Variants in MGAT4C observed in about 807,000 individuals in gnomAD.
The protein encoded by MGAT4C is alpha-1,3-mannosyl-glycoprotein 4-beta-N-acetylglucosaminyltransferase C.
A neutral mutation model predicts 40.1 loss-of-function variants in MGAT4C; 19 were observed. The ratio of observed to expected loss-of-function variants is 0.47; its 90% CI spans 0.33 to 0.70. MGAT4C has a LOEUF of 0.70. MGAT4C is among the 30% of genes least tolerant of loss of function. The probability of loss-of-function intolerance (pLI) is 0.02; values close to 1 mark genes in which losing one functional copy is unlikely to be tolerated. For synonymous variants in MGAT4C, 181 were observed against 187.1 expected (o/e 0.97, Z 0.27); for missense variants, 491 against 563.2 (o/e 0.87, Z 1.30).
chr12:86,223,110 A>C (rs1323118970), intron 1 of MGAT4C, among the ~76,000 whole-genome samples: 1 of 152,196 alleles, frequency 6.6e-6, no homozygotes, highest in Non-Finnish European at 1.5e-5. Context: ...CTGAGATCCA[A>C]GTCCCCAAAG....
intron 3 of MGAT4C, among the ~76,000 whole-genome samples, chr12:86,410,702 T>A (rs577178961): frequency 6.6e-6 from 1 of 152,168 alleles, no homozygotes; most frequent in Non-Finnish European, 1.5e-5. Context: ...TAAGAAATTA[T>A]GAGAGTATTA....
intron 4 of MGAT4C, among the ~76,000 whole-genome samples, chr12:86,285,323 C>T (rs897845814): frequency 1.3e-5 from 2 of 151,982 alleles, no homozygotes; most frequent in Non-Finnish European, 2.9e-5. Flanking sequence ...GAATGTTAAG[C>T]TTCATAAGAG....
chr12:86,633,787 T>G (rs1963134072), intron 2 of MGAT4C, among the ~76,000 whole-genome samples: 2 of 152,108 alleles, frequency 1.3e-5, no homozygotes, highest in Admixed American at 1.3e-4. Context: ...TAATCATATT[T>G]TGTTTTTTAG....
At chr12:86,037,263 GA>G (rs2136924312) in intron 2 of MGAT4C, among the ~76,000 whole-genome samples, 1 of 149,504 alleles carries the variant, frequency 6.7e-6, no homozygotes, top group East Asian at 1.9e-4. Context: ...TTGATTTTTT[GA>G]AGAGTTTTTC....
intron 2 of MGAT4C, among the ~76,000 whole-genome samples, chr12:85,993,772 G>A (rs1248373837): frequency 2.6e-5 from 4 of 152,168 alleles, no homozygotes; most frequent in Non-Finnish European, 4.4e-5. Context: ...CAGGAAAAAG[G>A]CAGAGGCTTC....
At chr12:86,803,656 C>G (rs905833328) in intron 1 of MGAT4C, among the ~76,000 whole-genome samples, 1 of 150,294 alleles carries the variant, frequency 6.7e-6, no homozygotes, top group Non-Finnish European at 1.5e-5. Context: ...CCAAAAAACA[C>G]ATGAAAAAAT....
intron 1 of MGAT4C, among the ~76,000 whole-genome samples, chr12:86,104,389 G>A (rs762435722): frequency 1.3e-5 from 2 of 152,086 alleles, no homozygotes; most frequent in African/African-American, 2.4e-5. Flanking sequence ...ACAGTGAGCC[G>A]AGATAGTGCC....
rs550756814 is a variant in MGAT4C at position 86,285,024 on chromosome 12, T to C, written c.-57+49041A>G. On this transcript the variant is annotated intron_variant, in intron 4 of 7. Coordinates refer to the MGAT4C transcript ENST00000548651. The stretch of plus-strand genomic sequence containing the variant: ...TTTCATTTGTGCTCATATTTTTTAC[T>C]GTAAATAATATTCACTAAAATTCAA... 3.9e-5 allele frequency among the ~76,000 whole-genome samples: 6 copies of C among 152,180 alleles called. No homozygotes were observed. The South Asian group carries it at 1.2e-3, about 32-fold the overall frequency.
At chr12:86,362,875 A>AAAG (rs1490836239) in intron 3 of MGAT4C, among the ~76,000 whole-genome samples, 5 of 151,320 alleles carry the variant, frequency 3.3e-5, no homozygotes, top group Non-Finnish European at 7.4e-5. Flanking sequence ...TCAAAAAAAA[A>AAAG]AAAAAAAAAG....
intron 2 of MGAT4C, among the ~76,000 whole-genome samples, chr12:86,475,551 A>AT (rs1390011449): frequency 6.6e-6 from 1 of 151,954 alleles, no homozygotes; most frequent in Non-Finnish European, 1.5e-5. Context: ...AAAAGCCATG[A>AT]TTTTATGACA....
chr12:86,528,384 A>C (rs1958920591), intron 2 of MGAT4C, among the ~76,000 whole-genome samples: 2 of 152,098 alleles, frequency 1.3e-5, no homozygotes. Flanking sequence ...TAAGTGTTTT[A>C]AAATCCTCAT....
chr12:86,486,048 G>A (rs748919145), intron 2 of MGAT4C, among the ~76,000 whole-genome samples: 1 of 152,080 alleles, frequency 6.6e-6, no homozygotes, highest in Non-Finnish European at 1.5e-5. Context: ...ATTATCGCTA[G>A]ACAAGCCTTA....
At chr12:86,621,503 G>C (rs1371768983) in intron 2 of MGAT4C, among the ~76,000 whole-genome samples, 5 of 152,120 alleles carry the variant, frequency 3.3e-5, no homozygotes, top group African/African-American at 1.2e-4. Context: ...TTTTGAGATA[G>C]AGTCTCACTC....
chr12:86,499,579 T>G (rs142066860), intron 2 of MGAT4C, among the ~76,000 whole-genome samples: 32 of 151,952 alleles, frequency 2.1e-4, no homozygotes, highest in African/African-American at 7.0e-4. Context: ...GCCAGACCTA[T>G]ATGAAAAGAT....
chr12:86,086,545 T>G, intron 1 of MGAT4C, among the ~76,000 whole-genome samples: 1 of 151,964 alleles, frequency 6.6e-6, no homozygotes, highest in East Asian at 1.9e-4. Flanking sequence ...AATAAAAAAG[T>G]TATGGATACA....
rs932327837 is a variant in MGAT4C at position 86,049,685 on chromosome 12, C to T, written c.-18G>A. 209 of 983,874 alleles carry T rather than the reference C, an allele frequency of 2.1e-4. No homozygotes were observed. Among genetic ancestry groups the T allele is most frequent in the Non-Finnish European group, 2.4e-4 (201 of 828,400 alleles). The allele number at this position is 983,874 out of a possible 1,614,324, so 60.9% of individuals were successfully genotyped here. ...ACATAGAATCTCACCTTAAGAAAGA[C>T]GCTGTCATAATCTGTGCTGTACAGA... On this transcript the variant is annotated 5_prime_UTR_variant, in exon 2 of 5. Transcript: ENST00000611864.
chr12:86,762,015 G>T (rs2136153333), intron 1 of MGAT4C, among the ~76,000 whole-genome samples: 3 of 151,602 alleles, frequency 2.0e-5, no homozygotes, highest in Non-Finnish European at 4.4e-5. Flanking sequence ...TCTGCTCAGG[G>T]TCTTAACAGG....
At chr12:86,807,503 AT>A (rs905041633) in intron 1 of MGAT4C, among the ~76,000 whole-genome samples, 18 of 151,914 alleles carry the variant, frequency 1.2e-4, no homozygotes, top group African/African-American at 4.1e-4. Context: ...TATGTACCAC[AT>A]TTTTTTTATC....
At chr12:85,994,989 T>C (rs1047657075) in intron 2 of MGAT4C, among the ~76,000 whole-genome samples, 1 of 152,232 alleles carries the variant, frequency 6.6e-6, no homozygotes, top group African/African-American at 2.4e-5. Context: ...TTGCTACTAC[T>C]GAAGGTGAAA....
Sources: allele counts gnomAD v4.1 joint callset (sites outside exome capture counted in the v4.1 genomes callset), GRCh38; gene constraint gnomAD v4.1.1; transcripts MANE v1.5; gene names NCBI Gene and HGNC (gene_info 2026-07-23, HGNC 2026-07-21).